Variants in C1QTNF7 observed in about 807,000 individuals in gnomAD.
C1QTNF7 encodes the protein complement C1q tumor necrosis factor-related protein 7.
In C1QTNF7, 15 loss-of-function variants were observed where a neutral mutation model predicts 19.6. That is an observed-to-expected ratio of 0.76 (90% confidence interval 0.51 to 1.18). The LOEUF (loss-of-function observed/expected upper bound fraction) is 1.18, where lower values mean the gene tolerates loss of function less well. Ranked by LOEUF, C1QTNF7 falls within the 50% of genes most tolerant of loss-of-function variation. The probability of loss-of-function intolerance (pLI) is 0.00; values close to 1 mark genes in which losing one functional copy is unlikely to be tolerated. For synonymous variants in C1QTNF7, 142 were observed against 137.5 expected, an observed-to-expected ratio of 1.03 and a Z score of -0.23; for missense variants, 324 against 359.7, an observed-to-expected ratio of 0.90 and a Z score of 0.80.
chr4:15,394,413 G>T (rs559272535), intron 1 of C1QTNF7, among the ~76,000 whole-genome samples: 1 of 152,340 alleles, frequency 6.6e-6, no homozygotes, highest in South Asian at 2.1e-4. Context: ...GGCAGAGAAA[G>T]GTATTCACCA....
intron 1 of C1QTNF7, among the ~76,000 whole-genome samples, chr4:15,346,799 G>A (rs1272301007): frequency 6.6e-6 from 1 of 152,072 alleles, no homozygotes; most frequent in Non-Finnish European, 1.5e-5. Flanking sequence ...TCTTCAACAT[G>A]GCCCCAGGGG....
At chr4:15,404,875 C>T (rs763573519) in intron 1 of C1QTNF7, among the ~76,000 whole-genome samples, 2 of 152,170 alleles carry the variant, frequency 1.3e-5, no homozygotes, top group Non-Finnish European at 2.9e-5. Flanking sequence ...TCTGTGATCA[C>T]GAGCCCTTAT....
At chr4:15,362,470 T>C (rs1285547569) in intron 1 of C1QTNF7, 2 of 152,218 alleles carry the variant, frequency 1.3e-5, no homozygotes, top group Non-Finnish European at 2.9e-5. Context: ...ACCTGCAGCA[T>C]AACTCCACTT....
intron 1 of C1QTNF7, among the ~76,000 whole-genome samples, chr4:15,350,438 T>C (rs1033448205): frequency 6.6e-5 from 10 of 151,722 alleles, no homozygotes; most frequent in Non-Finnish European, 1.3e-4. Context: ...TTACTCATTT[T>C]CTTTCCCTGT....
chr4:15,374,846 T>C, intron 1 of C1QTNF7: 1 of 785,474 alleles, frequency 1.3e-6, no homozygotes, highest in South Asian at 5.8e-5. Flanking sequence ...TTGGCTCATG[T>C]TGGTGTTTCT....
intron 1 of C1QTNF7, among the ~76,000 whole-genome samples, chr4:15,345,777 G>A (rs1179154128): frequency 6.6e-6 from 1 of 152,176 alleles, no homozygotes; most frequent in Non-Finnish European, 1.5e-5. Context: ...AGCGGAGGAG[G>A]CATATATTAC....
At chr4:15,387,327 T>A (rs77216815) in intron 1 of C1QTNF7, among the ~76,000 whole-genome samples, 1,893 of 152,078 alleles carry the variant, frequency 0.012, 17 homozygotes, top group Non-Finnish European at 0.019. Context: ...TAGCTGAATG[T>A]GAGTGTGGCA....
chr4:15,442,505 C>A lies in C1QTNF7; in HGVS notation c.576C>A (p.Ile192=), dbSNP rs1344450181. 6.2e-7 allele frequency: 1 copy of A among 1,614,174 alleles called. No homozygotes were observed. Among genetic ancestry groups the A allele is most frequent in the Non-Finnish European group, 8.5e-7 (1 of 1,180,032 alleles). The change falls in exon 3 of 3, where the codon ATC becomes ATA. Residue 192 remains isoleucine, a synonymous_variant. Transcript: ENST00000444304. ...TGKFICAFPG[I]YYFSYDITLA... ...AGTTCATCTGTGCTTTCCCAGGGATCTATTACTTTTCTTATGATATCACAT... is the reference window on the plus strand; with the variant it reads ...AGTTCATCTGTGCTTTCCCAGGGATATATTACTTTTCTTATGATATCACAT...
chr4:15,400,473 T>C (rs1413895098), intron 1 of C1QTNF7, among the ~76,000 whole-genome samples: 3 of 152,216 alleles, frequency 2.0e-5, no homozygotes, highest in African/African-American at 7.2e-5. Flanking sequence ...TGTTTTGTTT[T>C]CTGGTGAACA....
At chr4:15,344,905 C>G (rs1025943515) in intron 1 of C1QTNF7, among the ~76,000 whole-genome samples, 1 of 152,168 alleles carries the variant, frequency 6.6e-6, no homozygotes, top group Non-Finnish European at 1.5e-5. Context: ...ACTTTTTCTG[C>G]AGTTTGTGAC....
At position 15,388,985 on chromosome 4, in the gene C1QTNF7, T is replaced by C. The variant is rs149140048; in HGVS notation, c.14-46751T>C. On this transcript the variant is annotated intron_variant, in intron 1 of 2. Coordinates refer to the C1QTNF7 transcript ENST00000295297. ...CCTCCAGGCTCAGTGAAATGAGGAATGAAGGGTTGAAAACAGCCTCCACCT... is the reference window on the plus strand; with the variant it reads ...CCTCCAGGCTCAGTGAAATGAGGAACGAAGGGTTGAAAACAGCCTCCACCT... Among the ~76,000 whole-genome samples the C allele has an allele frequency of 1.8e-3, 271 of 152,116 alleles. 8 individuals are homozygous for C. The highest frequency in any genetic ancestry group is 0.011 in the South Asian group (55 of 4,822).
intron 1 of C1QTNF7, chr4:15,340,297 C>T: frequency 4.8e-6 from 7 of 1,445,332 alleles, no homozygotes; most frequent in Non-Finnish European, 5.7e-6. Flanking sequence ...AAGAAAGCTC[C>T]TTGTAAAGAA....
At chr4:15,422,210 TAAAAAA>T (rs199592000) in intron 1 of C1QTNF7, among the ~76,000 whole-genome samples, 1 of 142,828 alleles carries the variant, frequency 7.0e-6, no homozygotes, top group Admixed American at 6.9e-5. Flanking sequence ...TGTTTTTTTT[TAAAAAA>T]AAAAAAAAGG....
chr4:15,404,292 G>A (rs1719114184), intron 1 of C1QTNF7, among the ~76,000 whole-genome samples: 1 of 152,126 alleles, frequency 6.6e-6, no homozygotes, highest in Non-Finnish European at 1.5e-5. Flanking sequence ...AATACATGGG[G>A]CCTAAGGATC....
At chr4:15,354,570 G>A (rs751476809) in intron 1 of C1QTNF7, among the ~76,000 whole-genome samples, 1 of 152,118 alleles carries the variant, frequency 6.6e-6, no homozygotes, top group Non-Finnish European at 1.5e-5. Context: ...AAGCCATTTA[G>A]AGGAAGCAGC....
intron 1 of C1QTNF7, among the ~76,000 whole-genome samples, chr4:15,418,359 A>C (rs1418753017): frequency 6.6e-6 from 1 of 152,152 alleles, no homozygotes; most frequent in Non-Finnish European, 1.5e-5. Context: ...CAGGCCCTGA[A>C]ATGACTTGAC....
chr4:15,389,105 G>T (rs1472381294), intron 1 of C1QTNF7, among the ~76,000 whole-genome samples: 1 of 152,226 alleles, frequency 6.6e-6, no homozygotes, highest in Non-Finnish European at 1.5e-5. Context: ...TGAGGATACA[G>T]GGGACTTTGC....
intron 1 of C1QTNF7, among the ~76,000 whole-genome samples, chr4:15,355,969 G>A (rs1001945936): frequency 1.3e-5 from 2 of 152,088 alleles, no homozygotes; most frequent in African/African-American, 4.8e-5. Flanking sequence ...ACACTCCTCA[G>A]CCTCCCAAGT....
chr4:15,350,871 G>T (rs923165177), intron 1 of C1QTNF7, among the ~76,000 whole-genome samples: 5 of 152,146 alleles, frequency 3.3e-5, no homozygotes, highest in Non-Finnish European at 5.9e-5. Flanking sequence ...ATCTCCTTTG[G>T]GTAAGATTTT....
Sources: allele counts gnomAD v4.1 joint callset (sites outside exome capture counted in the v4.1 genomes callset), GRCh38; gene constraint gnomAD v4.1.1; transcripts MANE v1.5; gene names NCBI Gene and HGNC (gene_info 2026-07-23, HGNC 2026-07-21).